HS2ST1: variants seen among roughly 807,000 people sequenced by gnomAD.
The protein encoded by HS2ST1 is heparan sulfate 2-O-sulfotransferase 1.
A neutral mutation model predicts 42.9 loss-of-function variants in HS2ST1; 18 were observed. The ratio of observed to expected loss-of-function variants is 0.42; its 90% CI spans 0.29 to 0.62. The LOEUF (loss-of-function observed/expected upper bound fraction) is 0.62, where lower values mean the gene tolerates loss of function less well. Ranked by LOEUF, HS2ST1 falls within the 20% of genes least tolerant of loss-of-function variation. HS2ST1 has a pLI of 0.21. For synonymous variants in HS2ST1, 146 were observed against 152.9 expected, an observed-to-expected ratio of 0.95 and a Z score of 0.33; for missense variants, 334 against 433.8, an observed-to-expected ratio of 0.77 and a Z score of 2.04.
At chr1:87,039,944 T>C (rs1444101257) in intron 1 of HS2ST1, among the ~76,000 whole-genome samples, 1 of 152,128 alleles carries the variant, frequency 6.6e-6, no homozygotes, top group Non-Finnish European at 1.5e-5. Context: ...GTAGTCTAAT[T>C]AGTGGCATTT....
chr1:87,026,104 A>G (rs542511964), intron 1 of HS2ST1, among the ~76,000 whole-genome samples: 1 of 152,352 alleles, frequency 6.6e-6, no homozygotes, highest in Non-Finnish European at 1.5e-5. Flanking sequence ...TTTAAAAGAT[A>G]CTAGTATTCA....
intron 1 of HS2ST1, among the ~76,000 whole-genome samples, chr1:86,916,041 T>C (rs928095692): frequency 6.6e-6 from 1 of 151,854 alleles, no homozygotes; most frequent in Non-Finnish European, 1.5e-5. Flanking sequence ...GATGAGGGGG[T>C]CTAAAGTACA....
At chr1:86,964,366 G>A (rs1240923102) in intron 1 of HS2ST1, among the ~76,000 whole-genome samples, 4 of 152,236 alleles carry the variant, frequency 2.6e-5, no homozygotes, top group Admixed American at 2.0e-4. Context: ...CTGAATGAAC[G>A]AGACTCTGTC....
intron 1 of HS2ST1, among the ~76,000 whole-genome samples, chr1:87,036,793 T>G (rs1650385691): frequency 3.3e-5 from 5 of 152,160 alleles, no homozygotes; most frequent in Admixed American, 3.3e-4. Flanking sequence ...AATGAATGAA[T>G]GAATGCTGAC....
intron 1 of HS2ST1, among the ~76,000 whole-genome samples, chr1:86,947,732 T>C (rs965234829): frequency 2.6e-5 from 4 of 152,182 alleles, no homozygotes; most frequent in African/African-American, 9.7e-5. Flanking sequence ...TCAGAGTTAT[T>C]ATATGCTGGG....
At chr1:86,952,704 T>C (rs1468702122) in intron 1 of HS2ST1, among the ~76,000 whole-genome samples, 4 of 152,240 alleles carry the variant, frequency 2.6e-5, no homozygotes, top group Non-Finnish European at 5.9e-5. Flanking sequence ...GAGGAATCTT[T>C]TTTCCTGAGC....
intron 4 of HS2ST1, among the ~76,000 whole-genome samples, chr1:87,094,916 T>G (rs1652027308): frequency 6.6e-6 from 1 of 152,152 alleles, no homozygotes; most frequent in Admixed American, 6.5e-5. Flanking sequence ...TTACTTCTTA[T>G]GAGGACAGGG....
chr1:87,097,417 C>G (rs532934941), intron 4 of HS2ST1, among the ~76,000 whole-genome samples: 1 of 152,004 alleles, frequency 6.6e-6, no homozygotes, highest in Non-Finnish European at 1.5e-5. Context: ...TTTTTTGAGA[C>G]GGAGTCTTGC....
intron 5 of HS2ST1, among the ~76,000 whole-genome samples, chr1:87,098,846 A>G (rs1045761099): frequency 1.1e-4 from 17 of 152,164 alleles, no homozygotes; most frequent in Non-Finnish European, 1.8e-4. Flanking sequence ...CAGGGGCACA[A>G]TCTTGGCTCA....
intron 2 of HS2ST1, among the ~76,000 whole-genome samples, chr1:87,080,251 G>A (rs1205511203): frequency 6.6e-6 from 1 of 152,128 alleles, no homozygotes; most frequent in South Asian, 2.1e-4. Context: ...CAAACGTCAA[G>A]GGTTATTGTT....
In HS2ST1 at chr1:87,104,910, T is replaced by G. The variant is rs1570550967; in HGVS notation, c.*214T>G. 7 of 484,344 alleles carry G rather than the reference T, an allele frequency of 1.4e-5. No individual in the cohort carries two copies. The highest frequency in any genetic ancestry group is 2.6e-5 in the Non-Finnish European group (7 of 274,228). The allele number at this position is 484,344 out of a possible 1,614,324, so 30.0% of individuals were successfully genotyped here. On this transcript the variant is annotated 3_prime_UTR_variant, in exon 7 of 7. Transcript: ENST00000370550. ...CATTTTTATTTTTCCTGGCTAAACG[T>G]TGGTGAAAGTTATAACCTCCTGCCT...
At chr1:87,053,022 A>G (rs1650874076) in intron 1 of HS2ST1, among the ~76,000 whole-genome samples, 2 of 152,204 alleles carry the variant, frequency 1.3e-5, no homozygotes, top group Admixed American at 6.5e-5. Flanking sequence ...ATGCATGCTC[A>G]GTTTGAGAAC....
intron 1 of HS2ST1, among the ~76,000 whole-genome samples, chr1:87,012,152 T>G (rs1649614334): frequency 2.0e-5 from 3 of 152,218 alleles, no homozygotes; most frequent in African/African-American, 4.8e-5. Context: ...CCCATCAGCA[T>G]TTCACCTTTT....
At chr1:87,040,718 A>G (rs963375455) in intron 1 of HS2ST1, among the ~76,000 whole-genome samples, 2 of 152,304 alleles carry the variant, frequency 1.3e-5, no homozygotes, top group African/African-American at 4.8e-5. Flanking sequence ...CACATAGGCA[A>G]GAGTTAAGTA....
intron 1 of HS2ST1, among the ~76,000 whole-genome samples, chr1:86,981,902 T>G (rs956348162): frequency 6.6e-6 from 1 of 152,230 alleles, no homozygotes; most frequent in African/African-American, 2.4e-5. Flanking sequence ...ACCCCACATT[T>G]CCTTTCCACA....
In HS2ST1 at chr1:86,915,005, G is replaced by C; in HGVS notation, c.-32G>C. The C allele has an allele frequency of 6.2e-7, 1 of 1,612,724 alleles. No individual in the cohort carries two copies. Among genetic ancestry groups the C allele is most frequent in the Non-Finnish European group, 8.5e-7 (1 of 1,179,652 alleles). ...TCCGGGGTCCCGCTCCCCGCCCCCC[G>C]CGGTATGTCTTGATCCCGAGCAGCG... On this transcript the variant is annotated 5_prime_UTR_variant, in exon 1 of 7. Transcript: ENST00000370550.
intron 1 of HS2ST1, among the ~76,000 whole-genome samples, chr1:86,946,197 T>G (rs929905025): frequency 6.6e-6 from 1 of 152,230 alleles, no homozygotes; most frequent in South Asian, 2.1e-4. Flanking sequence ...ATTTTTGTTA[T>G]TATTGTTTAG....
At chr1:87,058,923 G>A (rs1651046672) in intron 1 of HS2ST1, among the ~76,000 whole-genome samples, 1 of 151,646 alleles carries the variant, frequency 6.6e-6, no homozygotes. Flanking sequence ...GCCAGGCGTG[G>A]TAGCAGGTGC....
chr1:86,964,346 A>C (rs540454707), intron 1 of HS2ST1, among the ~76,000 whole-genome samples: 1 of 152,362 alleles, frequency 6.6e-6, no homozygotes, highest in South Asian at 2.1e-4. Flanking sequence ...AGCCTGGGCA[A>C]CATTGAGCAC....
Sources: allele counts gnomAD v4.1 joint callset (sites outside exome capture counted in the v4.1 genomes callset), GRCh38; gene constraint gnomAD v4.1.1; transcripts MANE v1.5; gene names NCBI Gene and HGNC (gene_info 2026-07-23, HGNC 2026-07-21).